The following DMD variants were observed in gnomAD, a reference collection of about 807,000 sequenced individuals.
The protein encoded by DMD is dystrophin, also known as mutant dystrophin.
In DMD, 63 loss-of-function variants were observed where a neutral mutation model predicts 330.1. The observed-to-expected ratio is 0.19, with a 90% CI of 0.16 to 0.24. The LOEUF is 0.24. DMD is among the 10% of genes least tolerant of loss of function. The pLI is 1.00. For synonymous variants in DMD, 1,223 were observed against 959.8 expected (o/e 1.27, Z -5.07); for missense variants, 3,344 against 2,684.1 (o/e 1.25, Z -5.43).
chrX:31,585,828 T>A (rs1433102580), intron 55 of DMD, among the ~76,000 whole-genome samples: 1 of 111,758 alleles, frequency 8.9e-6, no homozygotes, highest in Non-Finnish European at 1.9e-5. Flanking sequence ...GCCCCTCTCA[T>A]AACTAAATGA....
intron 9 of DMD, among the ~76,000 whole-genome samples, chrX:32,651,806 G>T (rs1188875893): frequency 8.9e-6 from 1 of 112,146 alleles, no homozygotes; most frequent in Non-Finnish European, 1.9e-5. Context: ...AATTTTAACA[G>T]TTTTTTAAAA....
intron 1 of DMD, among the ~76,000 whole-genome samples, chrX:33,186,405 G>A: frequency 9.0e-6 from 1 of 111,570 alleles, no homozygotes; most frequent in Non-Finnish European, 1.9e-5. Context: ...GAATAGGCCA[G>A]CAGAGTTCAA....
At position 32,312,942 on chromosome X, in the gene DMD, CAAAAAAAAA is replaced by C. The variant is rs767993498; in HGVS notation, c.5923-2675_5923-2667del. On this transcript the variant is annotated intron_variant, in intron 41 of 78. Transcript: ENST00000357033. ...ATTGAGGCAGTAATAGCCTACGAAC[CAAAAAAAAA>C]AAAAAAAAAAAAAGCCCAGGACCAG... Among the ~76,000 whole-genome samples, 38 of 20,401 alleles carry C rather than the reference CAAAAAAAAA, an allele frequency of 1.9e-3. 3 individuals are homozygous for C. Among genetic ancestry groups the C allele is most frequent in the Middle Eastern group, 0.059 (1 of 17 alleles). The allele number at this position is 20,401 out of a possible 115,157, so 17.7% of individuals were successfully genotyped here.
At chrX:32,422,307 A>G (rs953039084) in intron 29 of DMD, among the ~76,000 whole-genome samples, 1 of 111,674 alleles carries the variant, frequency 9.0e-6, no homozygotes, top group Non-Finnish European at 1.9e-5. Flanking sequence ...CTCAGCCTCA[A>G]TTAAAATCTA....
intron 29 of DMD, among the ~76,000 whole-genome samples, chrX:32,431,794 C>A (rs775864995): frequency 9.1e-6 from 1 of 109,919 alleles, no homozygotes; most frequent in African/African-American, 3.3e-5. Flanking sequence ...TTCTAATATC[C>A]GGAATTCTAG....
chrX:31,653,257 T>C (rs2080567830), intron 54 of DMD, among the ~76,000 whole-genome samples: 1 of 111,545 alleles, frequency 9.0e-6, no homozygotes, highest in South Asian at 3.7e-4. Flanking sequence ...TTAATTTTGA[T>C]CATTAAAATA....
At chrX:33,049,838 A>G (rs1461606232) in intron 1 of DMD, among the ~76,000 whole-genome samples, 1 of 111,999 alleles carries the variant, frequency 8.9e-6, no homozygotes, top group African/African-American at 3.2e-5. Flanking sequence ...TATTGAACTA[A>G]TCTAATCACT....
intron 7 of DMD, among the ~76,000 whole-genome samples, chrX:32,755,707 T>TA (rs1366394015): frequency 5.3e-5 from 6 of 112,417 alleles, no homozygotes; most frequent in African/African-American, 1.9e-4. Context: ...TAATAACATG[T>TA]TTTTTCCTTA....
intron 45 of DMD, among the ~76,000 whole-genome samples, chrX:31,960,844 A>G (rs2095296280): frequency 8.9e-6 from 1 of 112,353 alleles, no homozygotes; most frequent in Non-Finnish European, 1.9e-5. Flanking sequence ...AAGCTTTTCA[A>G]GAGTCATCAG....
intron 21 of DMD, among the ~76,000 whole-genome samples, chrX:32,476,897 T>G (rs2041295498): frequency 9.0e-6 from 1 of 110,997 alleles, no homozygotes; most frequent in Non-Finnish European, 1.9e-5. Flanking sequence ...TAGAGATTAA[T>G]AATCCAACAG....
chrX:32,036,840 G>A (rs749700706), intron 44 of DMD, among the ~76,000 whole-genome samples: 2 of 111,709 alleles, frequency 1.8e-5, no homozygotes, highest in South Asian at 7.6e-4. Context: ...GGAGTTAAGA[G>A]TGTAGAGTCA....
At chrX:32,418,163 T>C (rs1023767150) in intron 29 of DMD, among the ~76,000 whole-genome samples, 9 of 111,361 alleles carry the variant, frequency 8.1e-5, no homozygotes, top group African/African-American at 2.9e-4. Context: ...AGGGATCTAT[T>C]CATGGCGCCA....
chrX:32,654,418 C>T (rs181940120), intron 9 of DMD, among the ~76,000 whole-genome samples: 1 of 111,549 alleles, frequency 9.0e-6, no homozygotes, highest in South Asian at 3.7e-4. Flanking sequence ...CATGTGGTTT[C>T]TATCTTTGGT....
chrX:32,722,602 C>T (rs2066443928), intron 7 of DMD, among the ~76,000 whole-genome samples: 1 of 110,489 alleles, frequency 9.1e-6, no homozygotes, highest in Non-Finnish European at 1.9e-5. Flanking sequence ...GGGATATTTT[C>T]CCATATATTT....
chrX:32,042,108 T>C (rs1350961696), intron 44 of DMD, among the ~76,000 whole-genome samples: 1 of 89,507 alleles, frequency 1.1e-5, no homozygotes. Flanking sequence ...CATATATACA[T>C]ACATATACAC....
At chrX:32,727,894 T>C (rs7890491) in intron 7 of DMD, among the ~76,000 whole-genome samples, 1 of 111,785 alleles carries the variant, frequency 8.9e-6, no homozygotes, top group Admixed American at 9.5e-5. Context: ...CTTTTGTTTT[T>C]AATTTAACTT....
intron 53 of DMD, among the ~76,000 whole-genome samples, chrX:31,669,241 T>G (rs2066483565): frequency 8.9e-6 from 1 of 112,093 alleles, no homozygotes; most frequent in Admixed American, 9.4e-5. Flanking sequence ...ATACAAGTGT[T>G]ACCTTTTTTC....
chrX:32,981,126 G>A (rs2092698159), intron 2 of DMD, among the ~76,000 whole-genome samples: 1 of 111,557 alleles, frequency 9.0e-6, no homozygotes. Flanking sequence ...CTCCACAATT[G>A]GATATTTGAA....
At chrX:31,911,932 C>T (rs975272217) in intron 47 of DMD, among the ~76,000 whole-genome samples, 1 of 111,690 alleles carries the variant, frequency 9.0e-6, no homozygotes, top group Non-Finnish European at 1.9e-5. Flanking sequence ...ATAAGCAGAG[C>T]GAAAATAAAA....
Sources: allele counts gnomAD v4.1 joint callset (sites outside exome capture counted in the v4.1 genomes callset), GRCh38; gene constraint gnomAD v4.1.1; transcripts MANE v1.5; gene names NCBI Gene and HGNC (gene_info 2026-07-23, HGNC 2026-07-21).